The following ATF1 variants were observed in gnomAD, a reference collection of about 807,000 sequenced individuals.
ATF1 encodes cyclic AMP-dependent transcription factor ATF-1.
Under a neutral mutation model 34.7 loss-of-function variants are expected in ATF1, and 16 were observed. That is an observed-to-expected ratio of 0.46 (90% CI 0.31 to 0.70). ATF1 has a LOEUF of 0.70. Ranked by LOEUF, ATF1 falls within the 30% of genes least tolerant of loss-of-function variation. The pLI, the probability that ATF1 is intolerant of heterozygous loss-of-function variation, is 0.05. For synonymous variants in ATF1, 105 were observed against 113.1 expected (o/e 0.93, Z 0.46); for missense variants, 255 against 321.6 (o/e 0.79, Z 1.58).
chr12:50,788,331 T>C (rs755041877), intron 2 of ATF1: 18 of 402,826 alleles, frequency 4.5e-5, no homozygotes, highest in South Asian at 3.2e-4. Context: ...CACAGGTGTG[T>C]GCCATCACAT....
At chr12:50,765,886 A>G (rs1019311984) in intron 1 of ATF1, among the ~76,000 whole-genome samples, 22 of 152,176 alleles carry the variant, frequency 1.4e-4, no homozygotes, top group Admixed American at 3.9e-4. Flanking sequence ...TGTTTAGCCT[A>G]TCATTGAGAA....
upstream of ATF1, chr12:50,764,066 GC>G: frequency 2.3e-5 from 1 of 44,090 alleles, no homozygotes; most frequent in East Asian, 6.4e-4. Flanking sequence ...CCCCGCCCCC[GC>G]CCCCGCCCCC....
chr12:50,800,620 A>G (rs1236001315), intron 3 of ATF1, among the ~76,000 whole-genome samples: 2 of 152,148 alleles, frequency 1.3e-5, no homozygotes, highest in African/African-American at 2.4e-5. Flanking sequence ...TCTCATAGGA[A>G]TGTGAACCGT....
chr12:50,808,743 A>AT (rs34559730), intron 3 of ATF1, among the ~76,000 whole-genome samples: 244 of 140,164 alleles, frequency 1.7e-3, no homozygotes, highest in Middle Eastern at 0.012. Context: ...GATTATTGTA[A>AT]TTTTTTTTTT....
intron 4 of ATF1, among the ~76,000 whole-genome samples, chr12:50,810,091 C>A (rs148922575): frequency 3.2e-4 from 49 of 152,146 alleles, no homozygotes; most frequent in African/African-American, 1.2e-3. Context: ...CCTTGGCCTC[C>A]CAAAGTGCTG....
intron 6 of ATF1, among the ~76,000 whole-genome samples, chr12:50,817,609 G>A (rs776522163): frequency 2.0e-5 from 3 of 152,118 alleles, no homozygotes; most frequent in Non-Finnish European, 4.4e-5. Context: ...GAAGTACGGA[G>A]TTTTATGGTA....
intron 4 of ATF1, among the ~76,000 whole-genome samples, chr12:50,812,382 G>A (rs1047333353): frequency 6.6e-6 from 1 of 152,108 alleles, no homozygotes; most frequent in Non-Finnish European, 1.5e-5. Context: ...ATTATCTCAG[G>A]ATGGCGGTAA....
Position 50,819,922 on chromosome 12 carries a change from C to A in ATF1, c.*143C>A. Reference sequence around the variant, plus strand: ...AGGATAAATATCTTACGCACGATATCTAGTGACAGAGGAGAAAGTGGAAAA... The same window carrying A: ...AGGATAAATATCTTACGCACGATATATAGTGACAGAGGAGAAAGTGGAAAA... On this transcript the variant is annotated 3_prime_UTR_variant, in exon 7 of 7. Coordinates refer to ENST00000262053, the MANE Select transcript of ATF1 (RefSeq NM_005171.5). 1.5e-6 allele frequency: 1 copy of A among 681,258 alleles called. No individual in the cohort carries two copies. Among genetic ancestry groups the A allele is most frequent in the East Asian group, 3.1e-5 (1 of 32,092 alleles). The allele number at this position is 681,258 out of a possible 1,614,324, so 42.2% of individuals were successfully genotyped here. A position where few individuals can be genotyped will look rare whatever the true frequency, so the allele number is the denominator to read the frequency against.
At chr12:50,816,274 G>C (rs922336683) in intron 6 of ATF1, among the ~76,000 whole-genome samples, 2 of 151,874 alleles carry the variant, frequency 1.3e-5, no homozygotes, top group Non-Finnish European at 2.9e-5. Flanking sequence ...CAGCATGATC[G>C]CACCACTGCA....
chr12:50,782,734 G>C (rs986135394), intron 2 of ATF1, among the ~76,000 whole-genome samples: 35 of 133,324 alleles, frequency 2.6e-4, no homozygotes, highest in Non-Finnish European at 4.3e-4. Flanking sequence ...CTGTCGCCCA[G>C]ACTGGAGTGC....
At chr12:50,808,089 C>T (rs1011147013) in intron 3 of ATF1, among the ~76,000 whole-genome samples, 1 of 152,224 alleles carries the variant, frequency 6.6e-6, no homozygotes, top group South Asian at 2.1e-4. Context: ...GGATTATAGG[C>T]GTCAGCCACT....
chr12:50,770,024 T>C (rs1428916071), intron 1 of ATF1, among the ~76,000 whole-genome samples: 1 of 152,228 alleles, frequency 6.6e-6, no homozygotes, highest in Non-Finnish European at 1.5e-5. Flanking sequence ...TGTTTTGTTT[T>C]TCAGAGTCAA....
chr12:50,800,027 T>C (rs532722736), intron 3 of ATF1, among the ~76,000 whole-genome samples: 12 of 152,236 alleles, frequency 7.9e-5, no homozygotes, highest in African/African-American at 2.6e-4. Flanking sequence ...CTAAACAGGA[T>C]AAACACAAAT....
intron 1 of ATF1, among the ~76,000 whole-genome samples, chr12:50,774,457 A>G (rs557953663): frequency 1.1e-4 from 17 of 151,054 alleles, no homozygotes; most frequent in Non-Finnish European, 2.5e-4. Context: ...GTGTTTCACT[A>G]CTCCCTTGTT....
intron 3 of ATF1, among the ~76,000 whole-genome samples, chr12:50,804,997 G>GAGAC (rs895037716): frequency 4.0e-5 from 6 of 151,868 alleles, no homozygotes; most frequent in Admixed American, 3.3e-4. Context: ...ATTTTTAGTA[G>GAGAC]AGACAGGGTT....
At position 50,797,999 on chromosome 12, in the gene ATF1, GA is replaced by G. The variant is rs1407726794; in HGVS notation, c.194+1993del. On this transcript the variant is annotated intron_variant, in intron 3 of 6. Coordinates refer to ENST00000262053, the MANE Select transcript of ATF1 (RefSeq NM_005171.5). ...TCGAAACGAGCCTGGCCAACATGGA[GA>G]AACCCTATCTCTACTAAAAATAAAA... is the stretch of plus-strand genomic sequence containing the variant. 4.6e-5 allele frequency among the ~76,000 whole-genome samples: 7 copies of G among 151,800 alleles called. No homozygotes were observed. The East Asian group carries it at 1.0e-3, about 22-fold the overall frequency.
At chr12:50,807,652 G>C (rs1475468966) in intron 3 of ATF1, among the ~76,000 whole-genome samples, 1 of 151,720 alleles carries the variant, frequency 6.6e-6, no homozygotes. Flanking sequence ...TTCCTTTGTG[G>C]ATTATTTTTT....
At chr12:50,764,397 C>G (rs1489167269) in intron 1 of ATF1, 90 bp downstream of exon 1, 2 of 146,068 alleles carry the variant, frequency 1.4e-5, no homozygotes, top group Non-Finnish European at 3.0e-5. Context: ...GCGCGGGTCG[C>G]GCGCCTGGTG....
chr12:50,766,480 TGGG>T (rs1940638725), intron 1 of ATF1, among the ~76,000 whole-genome samples: 1 of 152,014 alleles, frequency 6.6e-6, no homozygotes, highest in African/African-American at 2.4e-5. Context: ...TCGTGGGACA[TGGG>T]GAGCTTTTTC....
Sources: gnomAD v4.1 joint callset for allele counts (sites outside exome capture counted in the v4.1 genomes callset) on GRCh38, gnomAD v4.1.1 for gene constraint, MANE v1.5 for transcripts, NCBI Gene and HGNC (gene_info 2026-07-23, HGNC 2026-07-21) for gene names.